Variants in CRACR2A observed in about 807,000 individuals in gnomAD.
CRACR2A encodes calcium release activated channel regulator 2A.
CRACR2A carries 79 observed loss-of-function variants against 90.5 expected under a neutral mutation model. The ratio of observed to expected loss-of-function variants is 0.87; its 90% confidence interval spans 0.73 to 1.05. CRACR2A has a LOEUF of 1.05. Ranked by LOEUF, CRACR2A falls within the 50% of genes least tolerant of loss-of-function variation. The pLI is 0.00. For synonymous variants in CRACR2A, 338 were observed against 356.7 expected, an observed-to-expected ratio of 0.95 and a Z score of 0.59; for missense variants, 823 against 897.2, an observed-to-expected ratio of 0.92 and a Z score of 1.06.
intron 1 of CRACR2A, among the ~76,000 whole-genome samples, chr12:3,744,874 T>G (rs1270611179): frequency 6.6e-6 from 1 of 152,132 alleles, no homozygotes; most frequent in Non-Finnish European, 1.5e-5. Context: ...GAGGAAACAA[T>G]TCACAATGTG....
chr12:3,630,355 G>A (rs1944357286), intron 15 of CRACR2A, among the ~76,000 whole-genome samples: 1 of 152,176 alleles, frequency 6.6e-6, no homozygotes. Context: ...TGACAGCCCT[G>A]AGCTGTCATA....
Position 3,681,504 on chromosome 12 carries a change from A to T in CRACR2A, c.229-1155T>A, listed in dbSNP as rs756774228. Among the ~76,000 whole-genome samples the T allele has an allele frequency of 1.8e-4, 28 of 152,242 alleles. 1 individual carries two copies. The highest frequency in any genetic ancestry group is 1.6e-4 in the Non-Finnish European group (11 of 68,042). On this transcript the variant is annotated intron_variant, in intron 4 of 19. Coordinates refer to ENST00000440314, the MANE Select transcript of CRACR2A (RefSeq NM_001144958.2). ...CCCGATGTGCAATGGCCCCAAGCCA[A>T]GGCTAACTTGCATAGATGAAGCAAG...
At chr12:3,736,520 G>C (rs983569202) in intron 1 of CRACR2A, among the ~76,000 whole-genome samples, 2 of 152,044 alleles carry the variant, frequency 1.3e-5, no homozygotes, top group African/African-American at 4.8e-5. Flanking sequence ...CAGGAGTGGG[G>C]ACAGGGCTAG....
At chr12:3,710,886 GC>G (rs1182422872) in intron 3 of CRACR2A, among the ~76,000 whole-genome samples, 1 of 151,992 alleles carries the variant, frequency 6.6e-6, no homozygotes, top group Non-Finnish European at 1.5e-5. Context: ...GTCCTCAAAG[GC>G]CCCATTTCCT....
At chr12:3,643,136 A>AT (rs1164113667) in intron 12 of CRACR2A, among the ~76,000 whole-genome samples, 1 of 150,670 alleles carries the variant, frequency 6.6e-6, no homozygotes, top group Non-Finnish European at 1.5e-5. Context: ...TATAACCATT[A>AT]TCATCATCAA....
rs200387314 is a variant in CRACR2A at position 3,749,795 on chromosome 12, TTGTGTGTGTGTGTGTGTG to T, written c.-387+3202_-387+3219del. On this transcript the variant is annotated intron_variant, in intron 1 of 19. Transcript: ENST00000440314. Reference sequence around the variant, plus strand: ...TGTTGTTGTTGTTGTTGCTGTTTCTTTGTGTGTGTGTGTGTGTGTGTGTGTGTGTGTGTGTGTGTGTGT... The same window carrying T: ...TGTTGTTGTTGTTGTTGCTGTTTCTTTGTGTGTGTGTGTGTGTGTGTGTGT... Among the ~76,000 whole-genome samples, 580 of 144,612 alleles carry T rather than the reference TTGTGTGTGTGTGTGTGTG, an allele frequency of 4.0e-3. 3 individuals are homozygous for T. The highest frequency in any genetic ancestry group is 9.6e-3 in the South Asian group (42 of 4,382). The allele number at this position is 144,612 out of a possible 152,430, so 94.9% of individuals were successfully genotyped here. A position where few individuals can be genotyped will look rare whatever the true frequency, so the allele number is the denominator to read the frequency against.
intron 4 of CRACR2A, among the ~76,000 whole-genome samples, chr12:3,682,562 C>T (rs1004248598): frequency 1.3e-5 from 2 of 152,176 alleles, no homozygotes; most frequent in South Asian, 2.1e-4. Flanking sequence ...GGCAAGTCAG[C>T]GCTGAGTGCT....
chr12:3,641,366 C>A (rs1944567388), intron 13 of CRACR2A, among the ~76,000 whole-genome samples: 1 of 152,048 alleles, frequency 6.6e-6, no homozygotes, highest in South Asian at 2.1e-4. Context: ...CAACAAAAAC[C>A]CCGAAACCAA....
intron 1 of CRACR2A, among the ~76,000 whole-genome samples, chr12:3,736,747 C>T (rs977198690): frequency 1.3e-5 from 2 of 152,110 alleles, no homozygotes; most frequent in African/African-American, 4.8e-5. Context: ...TGTCTCAAAA[C>T]CCAAAGATGA....
At chr12:3,629,228 C>G (rs1462914170) in intron 15 of CRACR2A, among the ~76,000 whole-genome samples, 1 of 151,922 alleles carries the variant, frequency 6.6e-6, no homozygotes, top group Non-Finnish European at 1.5e-5. Flanking sequence ...CTTGCCCGAG[C>G]TGGTCGGAAG....
chr12:3,733,970 C>CTTCTT (rs1555121368), intron 1 of CRACR2A, among the ~76,000 whole-genome samples: 2 of 55,612 alleles, frequency 3.6e-5, no homozygotes, highest in Admixed American at 2.3e-4. Flanking sequence ...CACATTTTGC[C>CTTCTT]TTATTTTTTT....
Position 3,638,562 on chromosome 12 carries a change from T to C in CRACR2A, c.1272-108A>G, listed in dbSNP as rs147615394. On this transcript the variant is annotated intron_variant, in intron 13 of 19. Transcript: ENST00000440314. ...ACAGATACCCAAGGAGCATCACACCTTTGGACAAGAGCAGTCCGGGAGAGG... is the reference window on the plus strand; with the variant it reads ...ACAGATACCCAAGGAGCATCACACCCTTGGACAAGAGCAGTCCGGGAGAGG... 1.2e-3 allele frequency: 1,544 copies of C among 1,280,782 alleles called. 13 individuals carry two copies. The African/African-American group carries it at 0.021, about 17-fold the overall frequency. The allele number at this position is 1,280,782 out of a possible 1,614,324, so 79.3% of individuals were successfully genotyped here.
chr12:3,631,392 A>G (rs1944372840), intron 15 of CRACR2A, among the ~76,000 whole-genome samples: 1 of 152,092 alleles, frequency 6.6e-6, no homozygotes, highest in Admixed American at 6.5e-5. Flanking sequence ...CACACTGCTC[A>G]GGGCACATGG....
intron 10 of CRACR2A, among the ~76,000 whole-genome samples, chr12:3,649,736 G>A (rs774232032): frequency 6.6e-6 from 1 of 151,842 alleles, no homozygotes; most frequent in Non-Finnish European, 1.5e-5. Flanking sequence ...CTGGCATGGA[G>A]GTGTAATCAG....
In CRACR2A at chr12:3,739,641, T is replaced by C. The variant is rs144539370; in HGVS notation, c.-386-6431A>G. On this transcript the variant is annotated intron_variant, in intron 1 of 19. Transcript: ENST00000440314. ...GAACAAAATATTTATGATCTCTTTA[T>C]TTAAGAAATACTGGCTGAGCACGGT... is the stretch of plus-strand genomic sequence containing the variant. Among the ~76,000 whole-genome samples, 633 of 152,250 alleles carry C rather than the reference T, an allele frequency of 4.2e-3. 9 individuals are homozygous for C. The highest frequency in any genetic ancestry group is 0.015 in the African/African-American group (613 of 41,552).
At chr12:3,652,570 A>G (rs550774102) in intron 10 of CRACR2A, among the ~76,000 whole-genome samples, 2 of 152,318 alleles carry the variant, frequency 1.3e-5, no homozygotes, top group East Asian at 3.9e-4. Context: ...GATTCCGCAC[A>G]TAAGTCAAAC....
chr12:3,673,111 T>C (rs1197025136), intron 7 of CRACR2A, among the ~76,000 whole-genome samples: 1 of 152,174 alleles, frequency 6.6e-6, no homozygotes, highest in Admixed American at 6.5e-5. Context: ...GTGTACTACT[T>C]AACCTTTCTG....
At chr12:3,624,268 T>C (rs1039963738) in intron 17 of CRACR2A, among the ~76,000 whole-genome samples, 1 of 152,198 alleles carries the variant, frequency 6.6e-6, no homozygotes, top group African/African-American at 2.4e-5. Flanking sequence ...TTCAGAACCT[T>C]GAAGACTGTT....
chr12:3,708,435 CT>C (rs34731101), intron 3 of CRACR2A, among the ~76,000 whole-genome samples: 2 of 151,962 alleles, frequency 1.3e-5, no homozygotes, highest in Admixed American at 1.3e-4. Context: ...CTTTTCTTTT[CT>C]TTTTTTGAGA....
Sources: allele counts gnomAD v4.1 joint callset (sites outside exome capture counted in the v4.1 genomes callset), GRCh38; gene constraint gnomAD v4.1.1; transcripts MANE v1.5; gene names NCBI Gene and HGNC (gene_info 2026-07-23, HGNC 2026-07-21).